LHFPL3: variants seen among roughly 807,000 people sequenced by gnomAD.
LHFPL3 encodes LHFPL tetraspan subfamily member 3, also known as LHFPL tetraspan subfamily member 3 protein.
Under a neutral mutation model 19.3 loss-of-function variants are expected in LHFPL3, and 5 were observed. That is an observed-to-expected ratio of 0.26 (90% CI 0.14 to 0.54). LHFPL3 has a LOEUF of 0.54. Ranked by LOEUF, LHFPL3 falls within the 20% of genes least tolerant of loss-of-function variation. The pLI is 0.94. For missense variants in LHFPL3, 249 were observed against 307.4 expected (o/e 0.81, Z 1.42); for synonymous variants, 133 against 126.2 (o/e 1.05, Z -0.36).
At chr7:104,837,010 C>T (rs567954042) in intron 2 of LHFPL3, among the ~76,000 whole-genome samples, 2 of 152,132 alleles carry the variant, frequency 1.3e-5, no homozygotes, top group South Asian at 2.1e-4. Flanking sequence ...TGAAGATCTC[C>T]GTTCCATTAG....
At chr7:104,675,496 C>T (rs901936878) in intron 1 of LHFPL3, among the ~76,000 whole-genome samples, 11 of 152,050 alleles carry the variant, frequency 7.2e-5, no homozygotes, top group East Asian at 5.8e-4. Context: ...TGGCTTAATA[C>T]GTAAAAGGAT....
intron 1 of LHFPL3, among the ~76,000 whole-genome samples, chr7:104,390,704 T>C (rs904681467): frequency 6.6e-6 from 1 of 152,208 alleles, no homozygotes; most frequent in African/African-American, 2.4e-5. Flanking sequence ...TACCCAGTAA[T>C]GGGATGGCTG....
At chr7:104,686,057 T>C (rs1792798499) in intron 1 of LHFPL3, among the ~76,000 whole-genome samples, 1 of 152,130 alleles carries the variant, frequency 6.6e-6, no homozygotes, top group Non-Finnish European at 1.5e-5. Flanking sequence ...TAAAGCAAAA[T>C]ATTTGAAAGA....
intron 2 of LHFPL3, among the ~76,000 whole-genome samples, chr7:104,791,161 C>T (rs142453367): frequency 1.7e-4 from 26 of 152,240 alleles, no homozygotes; most frequent in African/African-American, 5.1e-4. Context: ...AAGTTATCAC[C>T]ATTGTGTGTT....
chr7:104,475,440 C>T (rs1427251445), intron 1 of LHFPL3, among the ~76,000 whole-genome samples: 6 of 151,772 alleles, frequency 4.0e-5, no homozygotes, highest in African/African-American at 1.5e-4. Context: ...AGGTGGTTAC[C>T]AGAAGCTGAG....
intron 2 of LHFPL3, among the ~76,000 whole-genome samples, chr7:104,852,379 G>A (rs1217767852): frequency 2.0e-5 from 3 of 152,216 alleles, no homozygotes; most frequent in Admixed American, 2.0e-4. Flanking sequence ...CAGGACACTA[G>A]GCAGGAAAGG....
At chr7:104,727,137 G>T (rs1185329821) in intron 1 of LHFPL3, among the ~76,000 whole-genome samples, 5 of 152,170 alleles carry the variant, frequency 3.3e-5, no homozygotes, top group African/African-American at 7.2e-5. Flanking sequence ...CTTTTGAGAA[G>T]TGTCTGTTCA....
chr7:104,606,032 A>G (rs1447534773), intron 1 of LHFPL3, among the ~76,000 whole-genome samples: 1 of 152,046 alleles, frequency 6.6e-6, no homozygotes. Context: ...TTTTATTTTT[A>G]TTTTTATTTT....
intron 1 of LHFPL3, among the ~76,000 whole-genome samples, chr7:104,544,809 G>A (rs1794550344): frequency 6.6e-6 from 1 of 152,148 alleles, no homozygotes; most frequent in Non-Finnish European, 1.5e-5. Flanking sequence ...AAAATCACAA[G>A]TCCTTTTCCT....
intron 1 of LHFPL3, among the ~76,000 whole-genome samples, chr7:104,411,550 T>G (rs1384337079): frequency 6.6e-6 from 1 of 152,174 alleles, no homozygotes; most frequent in Non-Finnish European, 1.5e-5. Context: ...AAATCACCCA[T>G]CATAGATCTG....
intron 2 of LHFPL3, among the ~76,000 whole-genome samples, chr7:104,740,787 T>C (rs1254057162): frequency 6.6e-6 from 1 of 152,206 alleles, no homozygotes; most frequent in Admixed American, 6.5e-5. Context: ...GTGGGAATTA[T>C]TACAATTCAA....
intron 1 of LHFPL3, among the ~76,000 whole-genome samples, chr7:104,616,762 G>A (rs1050946720): frequency 1.3e-5 from 2 of 151,902 alleles, no homozygotes; most frequent in Non-Finnish European, 2.9e-5. Context: ...ATCTGACAAA[G>A]GTCTAATATC....
chr7:104,738,725 C>A (rs1044685681), intron 2 of LHFPL3: 1 of 152,148 alleles, frequency 6.6e-6, no homozygotes, highest in Admixed American at 6.5e-5. Context: ...TAATGCTCAA[C>A]AGTTTTCAAA....
intron 2 of LHFPL3, among the ~76,000 whole-genome samples, chr7:104,783,639 A>C (rs1355347611): frequency 6.6e-6 from 1 of 152,240 alleles, no homozygotes; most frequent in Non-Finnish European, 1.5e-5. Context: ...GAGGAGGTAC[A>C]GGATACCTAA....
intron 1 of LHFPL3, among the ~76,000 whole-genome samples, chr7:104,693,149 G>A (rs1204007582): frequency 3.9e-5 from 6 of 152,168 alleles, no homozygotes; most frequent in Admixed American, 2.0e-4. Context: ...TAGCCCCTTT[G>A]TTTTGGCCAA....
intron 1 of LHFPL3, among the ~76,000 whole-genome samples, chr7:104,360,384 A>G (rs1790368350): frequency 6.6e-6 from 1 of 152,178 alleles, no homozygotes; most frequent in Non-Finnish European, 1.5e-5. Flanking sequence ...CCTGGCACAG[A>G]ACTTGCCATA....
chr7:104,595,094 T>C (rs2115662376), intron 1 of LHFPL3, among the ~76,000 whole-genome samples: 1 of 152,354 alleles, frequency 6.6e-6, no homozygotes, highest in South Asian at 2.1e-4. Context: ...GGCAAGGAGC[T>C]GTGAACCTTT....
At chr7:104,346,653 G>A (rs1406166552) in intron 1 of LHFPL3, among the ~76,000 whole-genome samples, 2 of 148,798 alleles carry the variant, frequency 1.3e-5, no homozygotes, top group Admixed American at 6.8e-5. Context: ...AGTGACACAC[G>A]TATGTAGTGT....
chr7:104,505,308 A>G (rs190395589), intron 1 of LHFPL3, among the ~76,000 whole-genome samples: 59 of 152,358 alleles, frequency 3.9e-4, no homozygotes, highest in African/African-American at 1.4e-3. Context: ...ATTTATTTTT[A>G]AAGCCGTCAC....
Sources: allele counts gnomAD v4.1 joint callset (sites outside exome capture counted in the v4.1 genomes callset), GRCh38; gene constraint gnomAD v4.1.1; transcripts MANE v1.5; gene names NCBI Gene and HGNC (gene_info 2026-07-23, HGNC 2026-07-21).